Variants in KSR2 observed in about 807,000 individuals in gnomAD.
KSR2 encodes the protein kinase suppressor of ras 2.
A neutral mutation model predicts 107.8 loss-of-function variants in KSR2; 25 were observed. The observed-to-expected ratio is 0.23, with a 90% CI of 0.17 to 0.32. The LOEUF is 0.32. KSR2 is among the 10% of genes least tolerant of loss of function. The probability of loss-of-function intolerance (pLI) is 1.00; values close to 1 mark genes in which losing one functional copy is unlikely to be tolerated. For missense variants in KSR2, 887 were observed against 1,268.9 expected (o/e 0.70, Z 4.57); for synonymous variants, 480 against 507.0 (o/e 0.95, Z 0.71).
chr12:117,490,431 T>C (rs957630638), intron 14 of KSR2, among the ~76,000 whole-genome samples: 1 of 152,172 alleles, frequency 6.6e-6, no homozygotes, highest in African/African-American at 2.4e-5. Flanking sequence ...TCTTACAAAG[T>C]GGGTATTCTT....
At chr12:117,760,987 A>C in intron 4 of KSR2, 24 bp downstream of exon 4, 2 of 1,612,280 alleles carry the variant, frequency 1.2e-6, no homozygotes, top group Admixed American at 1.7e-5. Flanking sequence ...CGACCGCCCC[A>C]GGGCACCCAC....
intron 14 of KSR2, among the ~76,000 whole-genome samples, chr12:117,517,079 T>A (rs1434061438): frequency 1.3e-5 from 2 of 152,162 alleles, no homozygotes; most frequent in African/African-American, 4.8e-5. Context: ...GGCAGAGGAC[T>A]GTGCAGCTTA....
rs895367133 is a variant in KSR2, at chr12:117,464,665, G to C, written c.*2534C>G. 4 of 152,308 alleles carry C rather than the reference G, an allele frequency of 2.6e-5. No individual in the cohort carries two copies. The highest frequency in any genetic ancestry group is 9.7e-5 in the African/African-American group (4 of 41,432). The allele number at this position is 152,308 out of a possible 1,614,324, so 9.4% of individuals were successfully genotyped here. A position where few individuals can be genotyped will look rare whatever the true frequency, so the allele number is the denominator to read the frequency against. ...TAGAGGGGACAGGGTAGGGGCGTCA[G>C]GAAGGCACTGAAGGCCAGGATCCTG... On this transcript the variant is annotated 3_prime_UTR_variant, in exon 20 of 20. Transcript: ENST00000339824.
At chr12:117,751,829 G>T (rs988890201) in intron 4 of KSR2, among the ~76,000 whole-genome samples, 27 of 152,152 alleles carry the variant, frequency 1.8e-4, no homozygotes, top group Admixed American at 1.0e-3. Context: ...AGTCAGTATG[G>T]TGCTGAGCGT....
At chr12:117,869,683 C>T (rs1893588967) in intron 1 of KSR2, among the ~76,000 whole-genome samples, 1 of 152,252 alleles carries the variant, frequency 6.6e-6, no homozygotes, top group Admixed American at 6.5e-5. Flanking sequence ...CCCGTTAGTT[C>T]GTACAGATCT....
intron 4 of KSR2, among the ~76,000 whole-genome samples, chr12:117,747,589 T>TTAA (rs57299123): frequency 0.14 from 21,778 of 151,658 alleles, 1,628 homozygotes; most frequent in Middle Eastern, 0.22. Flanking sequence ...ATCCCGGAAC[T>TTAA]TAAAATAAAA....
intron 3 of KSR2, among the ~76,000 whole-genome samples, chr12:117,790,233 A>G (rs868526823): frequency 6.6e-6 from 1 of 152,188 alleles, no homozygotes; most frequent in African/African-American, 2.4e-5. Flanking sequence ...CATGTGCCCA[A>G]GGTGGTCAGG....
Position 117,761,382 on chromosome 12 carries a change from G to T in KSR2, c.615C>A (p.Cys205Ter). 1 of 1,604,476 alleles carries T rather than the reference G, an allele frequency of 6.2e-7. No individual in the cohort carries two copies. Among genetic ancestry groups the T allele is most frequent in the Non-Finnish European group, 8.5e-7 (1 of 1,177,384 alleles). ...GGCTGGTGTGACAATAGTGCTGGACGCACTTGGACGGGACCCTGGGGCTCT... is the reference window on the plus strand; with the variant it reads ...GGCTGGTGTGACAATAGTGCTGGACTCACTTGGACGGGACCCTGGGGCTCT... ...LSQSPRVPSK[C>*]VQHYCHTSPT... The change falls in exon 4 of 20, where the codon TGC (cysteine) becomes TGA (stop). Residue 205 changes from cysteine (C) to a stop codon, truncating the protein, a stop_gained. Coordinates refer to ENST00000339824, the MANE Select transcript of KSR2 (RefSeq NM_173598.6). LOFTEE classifies it high-confidence loss of function.
intron 14 of KSR2, among the ~76,000 whole-genome samples, chr12:117,497,774 G>T (rs1321589860): frequency 6.6e-6 from 1 of 152,194 alleles, no homozygotes; most frequent in African/African-American, 2.4e-5. Flanking sequence ...TGAGGTGGGG[G>T]TGTACAGTCT....
chr12:117,505,176 C>T (rs1873602448), intron 14 of KSR2, among the ~76,000 whole-genome samples: 1 of 152,090 alleles, frequency 6.6e-6, no homozygotes, highest in Admixed American at 6.5e-5. Flanking sequence ...AGGTTGGTTC[C>T]GTGTCTTGGC....
At chr12:117,641,057 C>T (rs10850873) in intron 5 of KSR2, among the ~76,000 whole-genome samples, 23,620 of 152,108 alleles carry the variant, frequency 0.16, 1,928 homozygotes, top group Middle Eastern at 0.22. Flanking sequence ...ACAATGGAAA[C>T]GCATTCTCTC....
At chr12:117,835,497 T>C (rs1421950783) in intron 3 of KSR2, among the ~76,000 whole-genome samples, 1 of 152,176 alleles carries the variant, frequency 6.6e-6, no homozygotes, top group Non-Finnish European at 1.5e-5. Context: ...CTGGCTTTCA[T>C]CTGGCCTCAG....
At chr12:117,725,543 A>G (rs901656775) in intron 4 of KSR2, among the ~76,000 whole-genome samples, 1 of 152,230 alleles carries the variant, frequency 6.6e-6, no homozygotes, top group Admixed American at 6.5e-5. Flanking sequence ...TGTGAGATAG[A>G]TAATAAACCT....
At chr12:117,514,084 C>A (rs1167538751) in intron 14 of KSR2, among the ~76,000 whole-genome samples, 4 of 152,244 alleles carry the variant, frequency 2.6e-5, no homozygotes. Context: ...TTCTGGAACA[C>A]ATGGTAAGGG....
chr12:117,476,669 C>T lies in KSR2; in HGVS notation c.2451-74G>A, dbSNP rs575836274. On this transcript the variant is annotated intron_variant, in intron 16 of 19. Coordinates refer to ENST00000339824, the MANE Select transcript of KSR2 (RefSeq NM_173598.6). ...ACCAGTCCCCCTGGCACTGACCCTA[C>T]GTCCCTGGAGCCATCTCTGCTGCCC... 2.0e-3 allele frequency: 2,992 copies of T among 1,462,328 alleles called. 9 individuals are homozygous for T. The highest frequency in any genetic ancestry group is 2.7e-3 in the South Asian group (196 of 72,298). The allele number at this position is 1,462,328 out of a possible 1,614,324, so 90.6% of individuals were successfully genotyped here.
chr12:117,896,041 G>C (rs756305007), intron 1 of KSR2, among the ~76,000 whole-genome samples: 5 of 152,190 alleles, frequency 3.3e-5, no homozygotes, highest in Non-Finnish European at 7.3e-5. Context: ...CCTGGGCTAA[G>C]AGTGAAACTC....
At chr12:117,660,476 G>A (rs1002248587) in intron 5 of KSR2, among the ~76,000 whole-genome samples, 1 of 152,134 alleles carries the variant, frequency 6.6e-6, no homozygotes, top group African/African-American at 2.4e-5. Flanking sequence ...TTTACCTGGT[G>A]CCATCCTGGT....
rs191025286 is a variant in KSR2 at position 117,606,181 on chromosome 12, A to T, written c.1172-23822T>A. On this transcript the variant is annotated intron_variant, in intron 5 of 19. Coordinates refer to ENST00000339824, the MANE Select transcript of KSR2 (RefSeq NM_173598.6). ...AGTTAAAAAGTTTAAATACAGCATT[A>T]AGGCCCTGATATTCAAGCAGATATA... Among the ~76,000 whole-genome samples, 281 of 152,214 alleles carry T rather than the reference A, an allele frequency of 1.8e-3. 4 individuals are homozygous for T. Among genetic ancestry groups the T allele is most frequent in the Non-Finnish European group, 6.3e-4 (43 of 68,010 alleles).
chr12:117,957,764 C>CACACACAA (rs932043538), intron 1 of KSR2, among the ~76,000 whole-genome samples: 1 of 151,086 alleles, frequency 6.6e-6, no homozygotes, highest in Admixed American at 6.6e-5. Flanking sequence ...CACACACACA[C>CACACACAA]ACACACACGC....
Sources: gnomAD v4.1 joint callset for allele counts (sites outside exome capture counted in the v4.1 genomes callset) on GRCh38, gnomAD v4.1.1 for gene constraint, MANE v1.5 for transcripts, NCBI Gene and HGNC (gene_info 2026-07-23, HGNC 2026-07-21) for gene names.